MCC: variants seen among roughly 807,000 people sequenced by gnomAD.
MCC encodes the protein colorectal mutant cancer protein.
Under a neutral mutation model 116.2 loss-of-function variants are expected in MCC, and 90 were observed. The ratio of observed to expected loss-of-function variants is 0.77; its 90% confidence interval spans 0.65 to 0.92. MCC has a LOEUF of 0.92. Among genes scored for constraint, MCC ranks in the 40% least tolerant of loss-of-function variants. The pLI, the probability that MCC is intolerant of heterozygous loss-of-function variation, is 0.00. For missense variants in MCC, 1,516 were observed against 1,312.2 expected (o/e 1.16, Z -2.40); for synonymous variants, 578 against 510.5 (o/e 1.13, Z -1.78).
At chr5:113,346,123 C>A (rs1009910616) in intron 2 of MCC, among the ~76,000 whole-genome samples, 1 of 152,066 alleles carries the variant, frequency 6.6e-6, no homozygotes, top group Admixed American at 6.5e-5. Context: ...GATCTCTCTC[C>A]CTGTGCTGAG....
intron 3 of MCC, among the ~76,000 whole-genome samples, chr5:113,231,123 T>A (rs956496220): frequency 3.3e-5 from 5 of 152,214 alleles, no homozygotes; most frequent in African/African-American, 1.2e-4. Context: ...CTCAAGAGCT[T>A]GACCTTAAAT....
At chr5:113,113,667 A>AT (rs1373948988) in intron 6 of MCC, among the ~76,000 whole-genome samples, 1 of 151,920 alleles carries the variant, frequency 6.6e-6, no homozygotes, top group South Asian at 2.1e-4. Context: ...AAAAAAAAAA[A>AT]AAAGCTAACC....
chr5:113,409,585 C>T (rs1769924936), intron 1 of MCC, among the ~76,000 whole-genome samples: 1 of 152,132 alleles, frequency 6.6e-6, no homozygotes, highest in Non-Finnish European at 1.5e-5. Flanking sequence ...CTCCTGAGCT[C>T]AAGCAAACCT....
At chr5:113,233,029 GA>G (rs1763993856) in intron 3 of MCC, among the ~76,000 whole-genome samples, 1 of 152,172 alleles carries the variant, frequency 6.6e-6, no homozygotes, top group South Asian at 2.1e-4. Context: ...AGGGCTAAAT[GA>G]AATACCTGTA....
chr5:113,030,124 T>C (rs923103890), intron 17 of MCC, among the ~76,000 whole-genome samples: 1 of 152,180 alleles, frequency 6.6e-6, no homozygotes, highest in Non-Finnish European at 1.5e-5. Context: ...GAATGTAAAT[T>C]TGCATGATTA....
At chr5:113,265,389 C>A (rs1010948337) in intron 3 of MCC, among the ~76,000 whole-genome samples, 1 of 152,138 alleles carries the variant, frequency 6.6e-6, no homozygotes. Context: ...GAATGAACCC[C>A]AACCTCAATG....
At chr5:113,372,281 C>A (rs1446978116) in intron 2 of MCC, among the ~76,000 whole-genome samples, 1 of 152,162 alleles carries the variant, frequency 6.6e-6, no homozygotes, top group East Asian at 1.9e-4. Flanking sequence ...TCAAAAAGAG[C>A]AGCACCAAAT....
chr5:113,474,948 T>G (rs1167321187), intron 1 of MCC, among the ~76,000 whole-genome samples: 1 of 152,210 alleles, frequency 6.6e-6, no homozygotes, highest in African/African-American at 2.4e-5. Flanking sequence ...ATGTAGAATA[T>G]TTTGTTAAGC....
chr5:113,467,585 A>T (rs576303528), intron 1 of MCC, among the ~76,000 whole-genome samples: 277 of 152,270 alleles, frequency 1.8e-3, no homozygotes, highest in African/African-American at 6.2e-3. Flanking sequence ...TGGTTACTGT[A>T]GCCTTGTAGT....
chr5:113,082,581 T>C (rs930229429), intron 11 of MCC, among the ~76,000 whole-genome samples: 1 of 152,204 alleles, frequency 6.6e-6, no homozygotes, highest in Non-Finnish European at 1.5e-5. Context: ...TTAACAATAT[T>C]AAGAATTTAA....
chr5:113,488,250 G>T lies in MCC; in HGVS notation c.165C>A (p.Ile55=). The T allele has an allele frequency of 1.9e-6, 3 of 1,594,656 alleles. No individual in the cohort carries two copies. The highest frequency in any genetic ancestry group is 2.6e-6 in the Non-Finnish European group (3 of 1,171,362). ...QTCDGDGDGY[I]SRNDLLMVCR... ...CCTCGTACCTCCCCGCGTACCTGCT[G>T]ATGTATCCGTCCCCGTCGCCGTCGC... The change falls in exon 1 of 19, where the codon ATC becomes ATA. Residue 55 remains isoleucine, a synonymous_variant. Coordinates refer to ENST00000408903, the MANE Select transcript of MCC (RefSeq NM_001085377.2).
chr5:113,453,674 A>C (rs1771463587), intron 1 of MCC, among the ~76,000 whole-genome samples: 1 of 152,214 alleles, frequency 6.6e-6, no homozygotes, highest in Non-Finnish European at 1.5e-5. Flanking sequence ...TGGGAAGAAG[A>C]AAGTCACAGA....
At chr5:113,351,800 T>C (rs1037351811) in intron 2 of MCC, among the ~76,000 whole-genome samples, 1 of 152,204 alleles carries the variant, frequency 6.6e-6, no homozygotes, top group Non-Finnish European at 1.5e-5. Flanking sequence ...AAGTATCTCA[T>C]GTACCCCATA....
intron 8 of MCC, among the ~76,000 whole-genome samples, chr5:113,086,742 C>T (rs1277074196): frequency 6.7e-6 from 1 of 149,682 alleles, no homozygotes; most frequent in Non-Finnish European, 1.5e-5. Flanking sequence ...CTAACTACAA[C>T]ACCCAGCGGT....
intron 1 of MCC, among the ~76,000 whole-genome samples, chr5:113,421,973 A>G (rs1770348994): frequency 6.6e-6 from 1 of 152,148 alleles, no homozygotes; most frequent in African/African-American, 2.4e-5. Flanking sequence ...GCTTCATATA[A>G]ATGTTTTTGC....
intron 3 of MCC, chr5:113,294,222 AG>A: frequency 7.2e-7 from 1 of 1,383,836 alleles, no homozygotes; most frequent in Non-Finnish European, 9.9e-7. Flanking sequence ...CCAGACTGGG[AG>A]CACAGGGGGA....
chr5:113,027,906 C>T (rs6881198), intron 18 of MCC, among the ~76,000 whole-genome samples: 4,323 of 152,262 alleles, frequency 0.028, 81 homozygotes, highest in African/African-American at 0.052. Flanking sequence ...ATACCTGGGA[C>T]GAGAGCAGAG....
chr5:113,294,858 G>A, intron 3 of MCC: 3 of 985,876 alleles, frequency 3.0e-6, no homozygotes, highest in Non-Finnish European at 3.6e-6. Flanking sequence ...TCGGATTCCA[G>A]AGAAGGAAAG....
intron 3 of MCC, among the ~76,000 whole-genome samples, chr5:113,230,921 C>G (rs1763917698): frequency 6.6e-6 from 1 of 152,132 alleles, no homozygotes; most frequent in African/African-American, 2.4e-5. Context: ...CTCCTACGTG[C>G]TCCCCATACC....
Sources: allele counts gnomAD v4.1 joint callset (sites outside exome capture counted in the v4.1 genomes callset), GRCh38; gene constraint gnomAD v4.1.1; transcripts MANE v1.5; gene names NCBI Gene and HGNC (gene_info 2026-07-23, HGNC 2026-07-21).